The following SRGAP1 variants were observed in gnomAD, a reference collection of about 807,000 sequenced individuals.
SRGAP1 encodes the protein SLIT-ROBO Rho GTPase activating protein 1, also known as SLIT-ROBO Rho GTPase-activating protein 1.
In SRGAP1, 43 loss-of-function variants were observed where a neutral mutation model predicts 121.9. The observed-to-expected ratio is 0.35, with a 90% CI of 0.28 to 0.46. SRGAP1 has a LOEUF of 0.46. Among genes scored for constraint, SRGAP1 ranks in the 20% least tolerant of loss-of-function variants. The pLI is 1.00. For synonymous variants in SRGAP1, 447 were observed against 485.4 expected (o/e 0.92, Z 1.04); for missense variants, 1,102 against 1,350.9 (o/e 0.82, Z 2.89).
At chr12:64,088,448 A>G (rs1472066589) in intron 11 of SRGAP1, among the ~76,000 whole-genome samples, 2 of 152,226 alleles carry the variant, frequency 1.3e-5, no homozygotes, top group Non-Finnish European at 2.9e-5. Flanking sequence ...CATGAGAGCT[A>G]TAATTGCCAA....
intron 18 of SRGAP1, among the ~76,000 whole-genome samples, chr12:64,119,131 T>C (rs937951149): frequency 1.3e-5 from 2 of 152,232 alleles, no homozygotes; most frequent in African/African-American, 4.8e-5. Flanking sequence ...TATGGATATG[T>C]AATTGTCGCA....
chr12:63,958,838 A>G (rs886887869), intron 1 of SRGAP1, among the ~76,000 whole-genome samples: 4 of 152,074 alleles, frequency 2.6e-5, no homozygotes, highest in African/African-American at 4.8e-5. Flanking sequence ...TTAAACTCTA[A>G]TTTTCCCTCG....
At chr12:63,870,296 G>A (rs755258605) in intron 1 of SRGAP1, among the ~76,000 whole-genome samples, 2 of 152,062 alleles carry the variant, frequency 1.3e-5, no homozygotes, top group African/African-American at 4.8e-5. Flanking sequence ...TAGAAAAAGC[G>A]GTTTGGGTAG....
chr12:63,909,805 A>G (rs1467455988), intron 1 of SRGAP1, among the ~76,000 whole-genome samples: 2 of 152,264 alleles, frequency 1.3e-5, no homozygotes, highest in East Asian at 3.8e-4. Flanking sequence ...TCTGTAGGGC[A>G]TGCTGGCAGG....
At chr12:64,033,716 T>C (rs959291223) in intron 4 of SRGAP1, among the ~76,000 whole-genome samples, 1 of 151,902 alleles carries the variant, frequency 6.6e-6, no homozygotes, top group African/African-American at 2.4e-5. Flanking sequence ...AGACTCCATC[T>C]AAATGAAATA....
intron 8 of SRGAP1, among the ~76,000 whole-genome samples, chr12:64,076,772 G>A (rs933369372): frequency 3.3e-5 from 5 of 151,758 alleles, no homozygotes; most frequent in South Asian, 2.1e-4. Context: ...TCAGCTTCCC[G>A]AGTAGCTGGA....
At chr12:64,122,640 G>C (rs1035110880) in intron 18 of SRGAP1, among the ~76,000 whole-genome samples, 1 of 152,156 alleles carries the variant, frequency 6.6e-6, no homozygotes, top group Non-Finnish European at 1.5e-5. Context: ...TGGCTTACAC[G>C]TGTAATCTCA....
intron 6 of SRGAP1, among the ~76,000 whole-genome samples, chr12:64,056,676 G>A (rs2035349918): frequency 6.6e-6 from 1 of 151,886 alleles, no homozygotes; most frequent in Admixed American, 6.6e-5. Context: ...CCAAGACCCT[G>A]TATGAACTGA....
At chr12:63,854,087 C>T (rs955172736) in intron 1 of SRGAP1, among the ~76,000 whole-genome samples, 4 of 152,124 alleles carry the variant, frequency 2.6e-5, no homozygotes, top group Admixed American at 1.3e-4. Flanking sequence ...AGAATAGTAG[C>T]TTTGAATACT....
chr12:64,085,359 A>C (rs2035918862), intron 10 of SRGAP1, among the ~76,000 whole-genome samples: 1 of 152,196 alleles, frequency 6.6e-6, no homozygotes, highest in Non-Finnish European at 1.5e-5. Flanking sequence ...ATCATACCTA[A>C]TTAGACTTAA....
rs4763139 is a variant in SRGAP1 at position 64,160,137 on chromosome 12, A to G, written c.*17465A>G. The G allele has an allele frequency of 0.52, 79,521 of 151,962 alleles. 20,947 individuals are homozygous for G. The highest frequency in any genetic ancestry group is 0.62 in the South Asian group (2,985 of 4,824). The allele number at this position is 151,962 out of a possible 1,614,324, so 9.4% of individuals were successfully genotyped here. On this transcript the variant is annotated 3_prime_UTR_variant, in exon 22 of 22. Coordinates refer to ENST00000355086, the MANE Select transcript of SRGAP1 (RefSeq NM_020762.4). ...CATTTGACCTGTTTCAGTATGGATA[A>G]GTTGTTCTCTAAGTCTACTGCATAG...
chr12:64,018,017 T>A (rs1300652843), intron 4 of SRGAP1, among the ~76,000 whole-genome samples: 1 of 152,026 alleles, frequency 6.6e-6, no homozygotes, highest in Non-Finnish European at 1.5e-5. Flanking sequence ...TTTAAGAGAA[T>A]AAAATAACAA....
At chr12:64,049,408 G>A (rs2035194988) in intron 6 of SRGAP1, among the ~76,000 whole-genome samples, 1 of 152,170 alleles carries the variant, frequency 6.6e-6, no homozygotes, top group Non-Finnish European at 1.5e-5. Context: ...ATGGTGGAAG[G>A]GAAAGCAAAC....
rs1460385622 is a variant in SRGAP1, at chr12:64,103,677, A to T, written c.1814-5255A>T. 5.3e-5 allele frequency among the ~76,000 whole-genome samples: 8 copies of T among 152,346 alleles called. No homozygotes were observed. The East Asian group carries it at 1.5e-3, about 29-fold the overall frequency. ...TCTTAATTTTTCCTTTATCCTTAAA[A>T]ATATTTAATAGGCTGAGTATCTGAA... is the stretch of plus-strand genomic sequence containing the variant. On this transcript the variant is annotated intron_variant, in intron 15 of 21. Coordinates refer to ENST00000355086, the MANE Select transcript of SRGAP1 (RefSeq NM_020762.4).
intron 1 of SRGAP1, among the ~76,000 whole-genome samples, chr12:63,970,351 C>T (rs1346676862): frequency 6.6e-6 from 1 of 152,050 alleles, no homozygotes; most frequent in African/African-American, 2.4e-5. Context: ...GAAACTCTTC[C>T]AGATAAGAAC....
At chr12:63,861,194 A>G (rs1295872914) in intron 1 of SRGAP1, among the ~76,000 whole-genome samples, 1 of 143,100 alleles carries the variant, frequency 7.0e-6, no homozygotes, top group Admixed American at 7.1e-5. Flanking sequence ...TTTTTTTTTA[A>G]TAGAGACAGG....
In SRGAP1 at chr12:64,034,601, G is replaced by T. The variant is rs895223477; in HGVS notation, c.490-8189G>T. Among the ~76,000 whole-genome samples the T allele has an allele frequency of 1.3e-5, 2 of 152,136 alleles. 1 individual carries two copies. Among genetic ancestry groups the T allele is most frequent in the South Asian group, 4.1e-4 (2 of 4,824 alleles). Reference sequence around the variant, plus strand: ...GCATTCTTTTCAAATATCAATAGCTGACATTTACTGTGCACTTATATGTCA... The same window carrying T: ...GCATTCTTTTCAAATATCAATAGCTTACATTTACTGTGCACTTATATGTCA... On this transcript the variant is annotated intron_variant, in intron 4 of 21. Transcript: ENST00000355086.
chr12:64,028,076 T>C (rs566096938), intron 4 of SRGAP1, among the ~76,000 whole-genome samples: 2 of 152,386 alleles, frequency 1.3e-5, no homozygotes, highest in Admixed American at 6.5e-5. Flanking sequence ...TTTGAAATTC[T>C]AGTAAATTTG....
intron 1 of SRGAP1, among the ~76,000 whole-genome samples, chr12:63,849,806 T>TG (rs2136251947): frequency 6.6e-6 from 1 of 152,350 alleles, no homozygotes; most frequent in East Asian, 1.9e-4. Flanking sequence ...ATGACAGAGT[T>TG]GCACAATTAA....
Sources: allele counts gnomAD v4.1 joint callset (sites outside exome capture counted in the v4.1 genomes callset), GRCh38; gene constraint gnomAD v4.1.1; transcripts MANE v1.5; gene names NCBI Gene and HGNC (gene_info 2026-07-23, HGNC 2026-07-21).